The following YAF2 variants were observed in gnomAD, a reference collection of about 807,000 sequenced individuals.
YAF2 encodes YY1 associated factor 2.
A neutral mutation model predicts 20.1 loss-of-function variants in YAF2; 7 were observed. The observed-to-expected ratio is 0.35, with a 90% CI of 0.20 to 0.65. YAF2 has a LOEUF of 0.65. YAF2 is among the 30% of genes least tolerant of loss of function. The probability of loss-of-function intolerance (pLI) is 0.69; values close to 1 mark genes in which losing one functional copy is unlikely to be tolerated. For missense variants in YAF2, 151 were observed against 219.2 expected (o/e 0.69, Z 1.96); for synonymous variants, 74 against 76.0 (o/e 0.97, Z 0.14).
At chr12:42,229,607 G>A (rs903707614) in intron 2 of YAF2, among the ~76,000 whole-genome samples, 8 of 152,044 alleles carry the variant, frequency 5.3e-5, no homozygotes, top group East Asian at 1.9e-4. Context: ...ATTTAATGAC[G>A]GATATGTTCT....
intron 2 of YAF2, among the ~76,000 whole-genome samples, chr12:42,191,015 CTT>C (rs933303717): frequency 5.9e-5 from 9 of 151,686 alleles, no homozygotes; most frequent in African/African-American, 2.2e-4. Flanking sequence ...ATTTTTTTCT[CTT>C]TACAACAACA....
chr12:42,177,074 G>A (rs1231218649), intron 2 of YAF2, among the ~76,000 whole-genome samples: 1 of 152,154 alleles, frequency 6.6e-6, no homozygotes, highest in Admixed American at 6.5e-5. Flanking sequence ...TTATTCCTCT[G>A]CTTAAAACCA....
chr12:42,217,874 G>A (rs2067401712), intron 2 of YAF2, among the ~76,000 whole-genome samples: 1 of 152,148 alleles, frequency 6.6e-6, no homozygotes, highest in Non-Finnish European at 1.5e-5. Flanking sequence ...CTTCAGAGAT[G>A]AAGCCTGAGC....
intron 1 of YAF2, 196 bp from the exon 2 acceptor site, chr12:42,237,920 C>T (rs1232067698): frequency 2.1e-6 from 1 of 465,962 alleles, no homozygotes; most frequent in Non-Finnish European, 2.9e-6. Flanking sequence ...CGGCCGCAGT[C>T]GCCGCCGCCA....
intron 2 of YAF2, chr12:42,234,363 G>T: frequency 3.0e-6 from 3 of 985,356 alleles, no homozygotes; most frequent in Non-Finnish European, 3.6e-6. Flanking sequence ...AAAGCACAAT[G>T]TAAAAAATTT....
chr12:42,174,963 C>T (rs12579560), intron 2 of YAF2, among the ~76,000 whole-genome samples: 31,261 of 152,100 alleles, frequency 0.21, 3,330 homozygotes, highest in Admixed American at 0.25. Context: ...CATACATAAA[C>T]CCCTCACATT....
At chr12:42,212,075 C>T (rs1225200580) in intron 2 of YAF2, among the ~76,000 whole-genome samples, 1 of 151,426 alleles carries the variant, frequency 6.6e-6, no homozygotes, top group African/African-American at 2.4e-5. Flanking sequence ...CCTATTGACA[C>T]ACCAAACACA....
chr12:42,216,786 CTA>C (rs2067370197), intron 2 of YAF2, among the ~76,000 whole-genome samples: 2 of 152,180 alleles, frequency 1.3e-5, no homozygotes, highest in South Asian at 4.1e-4. Flanking sequence ...TTCAACAAAT[CTA>C]TAGGCAAACT....
At chr12:42,194,360 C>T (rs1322307894) in intron 2 of YAF2, among the ~76,000 whole-genome samples, 1 of 152,114 alleles carries the variant, frequency 6.6e-6, no homozygotes, top group Non-Finnish European at 1.5e-5. Context: ...TAAATCTAAG[C>T]CGGCCAGGCA....
At chr12:42,168,173 G>C (rs2065957550) in intron 2 of YAF2, among the ~76,000 whole-genome samples, 1 of 148,914 alleles carries the variant, frequency 6.7e-6, no homozygotes, top group South Asian at 2.1e-4. Context: ...AAGAAAGACA[G>C]CATTTTTTTT....
intron 2 of YAF2, chr12:42,210,292 T>A (rs2067168574): frequency 1.8e-6 from 2 of 1,096,332 alleles, no homozygotes; most frequent in Admixed American, 4.8e-5. Flanking sequence ...AACAAACTCC[T>A]TCTCAAGGGA....
At chr12:42,228,139 A>G (rs1592056489) in intron 2 of YAF2, among the ~76,000 whole-genome samples, 2 of 50,942 alleles carry the variant, frequency 3.9e-5, no homozygotes, top group African/African-American at 2.2e-4. Flanking sequence ...CCCGTCCGGG[A>G]GGGAGGTGGG....
intron 2 of YAF2, among the ~76,000 whole-genome samples, chr12:42,206,595 T>A (rs1195022701): frequency 6.7e-6 from 1 of 148,834 alleles, no homozygotes; most frequent in Non-Finnish European, 1.5e-5. Flanking sequence ...GGAGACAGAG[T>A]AAGACTCCAT....
chr12:42,224,741 G>A (rs1342496970), intron 2 of YAF2, among the ~76,000 whole-genome samples: 1 of 152,140 alleles, frequency 6.6e-6, no homozygotes, highest in Non-Finnish European at 1.5e-5. Context: ...ATTCCATGGT[G>A]TATATGTGCC....
chr12:42,198,370 G>A (rs760479190), intron 2 of YAF2, among the ~76,000 whole-genome samples: 1 of 152,196 alleles, frequency 6.6e-6, no homozygotes, highest in Non-Finnish European at 1.5e-5. Context: ...ATCACTTTGA[G>A]CTCAGGAGTT....
At chr12:42,221,846 T>C (rs1010952955) in intron 2 of YAF2, among the ~76,000 whole-genome samples, 2 of 152,210 alleles carry the variant, frequency 1.3e-5, no homozygotes, top group African/African-American at 4.8e-5. Flanking sequence ...AAAAGTTTAA[T>C]ACAAGCCTCT....
chr12:42,157,327 GAACT>G lies in YAF2; in HGVS notation c.*3258_*3261del, dbSNP rs750381294. ...TTCCTGCAAGAGCGAATCCATTCCA[GAACT>G]AACTGAGCCTCATGAGAAAGCCTTT... On this transcript the variant is annotated 3_prime_UTR_variant, in exon 4 of 4. Transcript: ENST00000534854. The G allele has an allele frequency of 3.3e-5, 5 of 152,194 alleles. No homozygotes were observed. In the East Asian group the frequency reaches 5.8e-4, roughly 18 times the overall value. 9.4% of individuals were successfully genotyped at this position (152,194 alleles called of 1,614,324 possible).
intron 2 of YAF2, chr12:42,232,406 G>A: frequency 1.0e-6 from 1 of 984,990 alleles, no homozygotes; most frequent in South Asian, 4.7e-5. Context: ...ACTACACTTT[G>A]AAAACCACTC....
intron 2 of YAF2, among the ~76,000 whole-genome samples, chr12:42,226,345 T>G (rs1408509015): frequency 2.0e-5 from 3 of 152,122 alleles, no homozygotes; most frequent in African/African-American, 7.2e-5. Context: ...GCTAAGGTGT[T>G]CATGTACAAT....
Sources: allele counts gnomAD v4.1 joint callset (sites outside exome capture counted in the v4.1 genomes callset), GRCh38; gene constraint gnomAD v4.1.1; transcripts MANE v1.5; gene names NCBI Gene and HGNC (gene_info 2026-07-23, HGNC 2026-07-21).